PCDHGA5: variants seen among roughly 807,000 people sequenced by gnomAD.
PCDHGA5 encodes the protein protocadherin gamma subfamily A, 5.
Under a neutral mutation model 56.7 loss-of-function variants are expected in PCDHGA5, and 36 were observed. That is an observed-to-expected ratio of 0.64 (90% CI 0.49 to 0.84). The LOEUF (loss-of-function observed/expected upper bound fraction) is 0.84, where lower values mean the gene tolerates loss of function less well. Among genes scored for constraint, PCDHGA5 ranks in the 40% least tolerant of loss-of-function variants. The pLI is 0.00. For missense variants in PCDHGA5, 1,305 were observed against 1,201.5 expected, an observed-to-expected ratio of 1.09 and a Z score of -1.27; for synonymous variants, 563 against 520.2, an observed-to-expected ratio of 1.08 and a Z score of -1.12.
Position 141,393,951 on chromosome 5 carries a change from G to A in PCDHGA5, c.2421+27200G>A, listed in dbSNP as rs778713382. The A allele has an allele frequency of 6.4e-5, 104 of 1,613,726 alleles. No homozygotes were observed. The highest frequency in any genetic ancestry group is 1.6e-4 in the Middle Eastern group (1 of 6,084). ...GCATGACCAAGACTCTGGAAAGAAT[G>A]GTCAAGTTGTCTGTTACACACGTGA... On this transcript the variant is annotated intron_variant, in intron 1 of 3. Transcript: ENST00000518069.
At chr5:141,399,398 G>T (rs1374441258) in intron 1 of PCDHGA5, 4 of 1,613,854 alleles carry the variant, frequency 2.5e-6, no homozygotes, top group Non-Finnish European at 3.4e-6. Flanking sequence ...ACAGACAGGG[G>T]CAAGCCGCCC....
At position 141,431,468 on chromosome 5, in the gene PCDHGA5, G is replaced by A. The variant is rs756718016; in HGVS notation, c.2422-63339G>A. ...CCGCGTGATGGTTCTGGATGCGAAC[G>A]ACAACGCACCAGCGTTTGCTCAGCC... On this transcript the variant is annotated intron_variant, in intron 1 of 3. Transcript: ENST00000518069. This position sits in a 1 kb window ranked among gnomAD's most constrained non-coding sequence, Gnocchi z 4.8. The A allele has an allele frequency of 3.7e-6, 6 of 1,613,804 alleles. No homozygotes were observed. In the Admixed American group the frequency reaches 8.3e-5, roughly 22 times the overall value.
chr5:141,400,402 G>T (rs574141234), intron 1 of PCDHGA5: 2 of 1,614,056 alleles, frequency 1.2e-6, no homozygotes, highest in South Asian at 2.2e-5. Context: ...AGGAAAGACG[G>T]AGTTTAATTT....
intron 1 of PCDHGA5, among the ~76,000 whole-genome samples, chr5:141,459,838 A>G (rs944807247): frequency 6.6e-6 from 1 of 152,098 alleles, no homozygotes; most frequent in Non-Finnish European, 1.5e-5. Flanking sequence ...TGTGTTGTCT[A>G]TTTGTATATC....
At chr5:141,388,875 G>C in intron 1 of PCDHGA5, 1 of 1,614,024 alleles carries the variant, frequency 6.2e-7, no homozygotes, top group Non-Finnish European at 8.5e-7. Context: ...GCAATGCACA[G>C]TGGAGGTAGA....
At chr5:141,488,021 C>A (rs570700985) in intron 1 of PCDHGA5, among the ~76,000 whole-genome samples, 1 of 152,244 alleles carries the variant, frequency 6.6e-6, no homozygotes, top group East Asian at 1.9e-4. Flanking sequence ...TACCTTAACT[C>A]TAGGTTACCA....
At chr5:141,427,857 G>T (rs746661329) in intron 1 of PCDHGA5, 2 of 1,554,576 alleles carry the variant, frequency 1.3e-6, no homozygotes, top group Admixed American at 3.3e-5. Flanking sequence ...GCAGCTGTGC[G>T]CCTTCGAGCT....
rs1444171664 is a variant in PCDHGA5, at chr5:141,477,015, T to G, written c.2422-17792T>G. The G allele has an allele frequency of 1.2e-6, 2 of 1,614,210 alleles. No homozygotes were observed. Among genetic ancestry groups the G allele is most frequent in the Non-Finnish European group, 1.7e-6 (2 of 1,180,038 alleles). On this transcript the variant is annotated intron_variant, in intron 1 of 3. Coordinates refer to ENST00000518069, the MANE Select transcript of PCDHGA5 (RefSeq NM_018918.3). This position sits in a 1 kb window ranked among gnomAD's most constrained non-coding sequence, Gnocchi z 4.9. ...CGGCAACTATTCGCCTTAGACCTTG[T>G]AACCGGGATGCTGACAATCAAGGGT...
intron 1 of PCDHGA5, among the ~76,000 whole-genome samples, chr5:141,464,240 G>A (rs1396190870): frequency 1.3e-5 from 2 of 150,444 alleles, no homozygotes; most frequent in Non-Finnish European, 2.9e-5. Context: ...ACTCCAGCCT[G>A]GGCTACAGAG....
chr5:141,374,944 G>A (rs1405459227), intron 1 of PCDHGA5: 6 of 1,614,018 alleles, frequency 3.7e-6, no homozygotes, highest in Non-Finnish European at 5.1e-6. Context: ...TTACAGAAAA[G>A]ATCTCACAAA....
At chr5:141,449,101 G>A (rs1020443363) in intron 1 of PCDHGA5, among the ~76,000 whole-genome samples, 2 of 152,144 alleles carry the variant, frequency 1.3e-5, no homozygotes, top group African/African-American at 2.4e-5. Flanking sequence ...TACATATGCA[G>A]TATATCTTTG....
rs752837336 is a variant in PCDHGA5 at position 141,371,945 on chromosome 5, G to A, written c.2421+5194G>A. On this transcript the variant is annotated intron_variant, in intron 1 of 3. Transcript: ENST00000518069. ...CGCGGAGCGGGGTGGTGTTCGCGCAGCGAGCCTTCGACCACGAGCAGCTGC... is the reference window on the plus strand; with the variant it reads ...CGCGGAGCGGGGTGGTGTTCGCGCAACGAGCCTTCGACCACGAGCAGCTGC... 6 of 1,613,298 alleles carry A rather than the reference G, an allele frequency of 3.7e-6. No homozygotes were observed. In the Admixed American group the frequency reaches 5.0e-5, roughly 13 times the overall value.
chr5:141,394,033 G>A, intron 1 of PCDHGA5: 7 of 1,613,540 alleles, frequency 4.3e-6, no homozygotes, highest in Non-Finnish European at 5.9e-6. Context: ...TTAGTGACAA[G>A]GAAATATTTG....
chr5:141,453,931 G>T (rs61228273), intron 1 of PCDHGA5, among the ~76,000 whole-genome samples: 2 of 152,306 alleles, frequency 1.3e-5, no homozygotes, highest in African/African-American at 4.8e-5. Flanking sequence ...GTCACTGTGT[G>T]CCTATAATTT....
Position 141,490,046 on chromosome 5 carries a change from C to A in PCDHGA5, c.2422-4761C>A, listed in dbSNP as rs2099695274. ...CTGCTCCGCCTCAATGCCACTGATC[C>A]AGACGAGGGCACCAACGGCCAACTA... On this transcript the variant is annotated intron_variant, in intron 1 of 3. Transcript: ENST00000518069. This position sits in a 1 kb window ranked among gnomAD's most constrained non-coding sequence, Gnocchi z 5.4. 1 of 1,614,094 alleles carries A rather than the reference C, an allele frequency of 6.2e-7. No individual in the cohort carries two copies.
At chr5:141,470,682 T>C (rs2099236741) in intron 1 of PCDHGA5, among the ~76,000 whole-genome samples, 1 of 152,138 alleles carries the variant, frequency 6.6e-6, no homozygotes, top group Non-Finnish European at 1.5e-5. Flanking sequence ...TGTTACCATC[T>C]TGAAATTCTT....
chr5:141,507,344 AT>A (rs1345461058), intron 3 of PCDHGA5: 5 of 152,206 alleles, frequency 3.3e-5, no homozygotes, highest in Non-Finnish European at 5.9e-5. Context: ...TTTACCTGAA[AT>A]TCAAATTTAA....
intron 1 of PCDHGA5, among the ~76,000 whole-genome samples, chr5:141,465,280 C>T (rs922029628): frequency 7.2e-5 from 11 of 151,990 alleles, no homozygotes; most frequent in Non-Finnish European, 1.5e-4. Flanking sequence ...TTAGTTCACC[C>T]CTAAAGAACT....
At chr5:141,389,513 C>T (rs749432491) in intron 1 of PCDHGA5, 3 of 1,613,156 alleles carry the variant, frequency 1.9e-6, no homozygotes, top group South Asian at 1.1e-5. Context: ...TCAGCGCGAA[C>T]GTGAGCCTGC....
Sources: gnomAD v4.1 joint callset for allele counts (sites outside exome capture counted in the v4.1 genomes callset) on GRCh38, gnomAD v4.1.1 for gene constraint, Gnocchi (gnomAD v3.1) non-coding constraint, MANE v1.5 for transcripts, NCBI Gene and HGNC (gene_info 2026-07-23, HGNC 2026-07-21) for gene names.